The following CAMK4 variants were observed in gnomAD, a reference collection of about 807,000 sequenced individuals.
CAMK4 encodes the protein calcium/calmodulin-dependent protein kinase type IV.
A neutral mutation model predicts 44.9 loss-of-function variants in CAMK4; 22 were observed. The observed-to-expected ratio is 0.49, with a 90% CI of 0.35 to 0.70. The LOEUF (loss-of-function observed/expected upper bound fraction) is 0.70. CAMK4 is among the 30% of genes least tolerant of loss of function. The probability of loss-of-function intolerance (pLI) is 0.01; values close to 1 mark genes in which losing one functional copy is unlikely to be tolerated. For missense variants in CAMK4, 498 were observed against 586.8 expected (o/e 0.85, Z 1.56); for synonymous variants, 218 against 215.4 (o/e 1.01, Z -0.11).
intron 2 of CAMK4, among the ~76,000 whole-genome samples, chr5:111,351,771 T>A (rs1032854253): frequency 7.2e-5 from 11 of 152,122 alleles, no homozygotes; most frequent in African/African-American, 2.7e-4. Context: ...AAATAATATG[T>A]CATACTTTGT....
At chr5:111,302,332 A>T (rs1253997036) in intron 1 of CAMK4, 1 of 150,656 alleles carries the variant, frequency 6.6e-6, no homozygotes, top group East Asian at 2.0e-4. Context: ...CATCTGAGGT[A>T]CCGGGTTCAT....
intron 1 of CAMK4, among the ~76,000 whole-genome samples, chr5:111,274,673 G>T (rs969877455): frequency 1.3e-5 from 2 of 152,122 alleles, no homozygotes; most frequent in Non-Finnish European, 2.9e-5. Flanking sequence ...GCCCTTCAAA[G>T]AGGTTATACC....
chr5:111,265,544 T>C (rs114186645), intron 1 of CAMK4, among the ~76,000 whole-genome samples: 2 of 152,214 alleles, frequency 1.3e-5, no homozygotes, highest in African/African-American at 4.8e-5. Flanking sequence ...ATTTTACATA[T>C]ATTATTTTTC....
chr5:111,360,845 T>C (rs930419597), intron 2 of CAMK4, among the ~76,000 whole-genome samples: 5 of 152,082 alleles, frequency 3.3e-5, no homozygotes, highest in African/African-American at 1.2e-4. Context: ...AAAGAATATA[T>C]TGCTATGGGG....
intron 2 of CAMK4, among the ~76,000 whole-genome samples, chr5:111,350,037 G>T (rs2112768455): frequency 6.6e-6 from 1 of 152,128 alleles, no homozygotes; most frequent in South Asian, 2.1e-4. Flanking sequence ...TAGTAGTGGG[G>T]TGATGTTGTG....
chr5:111,293,877 G>T (rs1276659961), intron 1 of CAMK4, among the ~76,000 whole-genome samples: 8 of 150,778 alleles, frequency 5.3e-5, no homozygotes, highest in African/African-American at 2.0e-4. Context: ...CTCCCGAGTA[G>T]CTGGGACTAC....
At chr5:111,392,023 A>G (rs1424447446) in intron 4 of CAMK4, among the ~76,000 whole-genome samples, 3 of 142,418 alleles carry the variant, frequency 2.1e-5, no homozygotes, top group Admixed American at 7.3e-5. Context: ...TTATACAGCA[A>G]TCAAGAAGTT....
rs577792043 is a variant in CAMK4, at chr5:111,485,686, A to G, written c.*1220A>G. On this transcript the variant is annotated 3_prime_UTR_variant, in exon 11 of 11. Coordinates refer to ENST00000282356, the MANE Select transcript of CAMK4 (RefSeq NM_001744.6). ...GCTGCCAATAAATTTAGCACAATGC[A>G]ATTTATTTACCTTAAAAAACAAACA... 2.0e-5 allele frequency: 3 copies of G among 152,318 alleles called. No homozygotes were observed. In the East Asian group the frequency reaches 5.8e-4, roughly 29 times the overall value. The allele number at this position is 152,318 out of a possible 1,614,324, so 9.4% of individuals were successfully genotyped here. A position where few individuals can be genotyped will look rare whatever the true frequency, so the allele number is the denominator to read the frequency against.
At chr5:111,363,126 G>T (rs969574628) in intron 2 of CAMK4, among the ~76,000 whole-genome samples, 6 of 152,012 alleles carry the variant, frequency 3.9e-5, no homozygotes, top group Admixed American at 3.9e-4. Context: ...GATTTAGAAG[G>T]TCAGTAACTT....
At chr5:111,280,212 C>G (rs181576515) in intron 1 of CAMK4, among the ~76,000 whole-genome samples, 86 of 151,678 alleles carry the variant, frequency 5.7e-4, no homozygotes, top group African/African-American at 1.9e-3. Context: ...ACAGAACAAG[C>G]TTTTAAATGA....
intron 1 of CAMK4, among the ~76,000 whole-genome samples, chr5:111,341,436 T>G (rs1749638972): frequency 6.6e-6 from 1 of 151,168 alleles, no homozygotes; most frequent in Non-Finnish European, 1.5e-5. Flanking sequence ...ATCTAGTCAT[T>G]CAAGCACTAG....
At chr5:111,392,415 C>T (rs1446258778) in intron 4 of CAMK4, among the ~76,000 whole-genome samples, 3 of 152,082 alleles carry the variant, frequency 2.0e-5, no homozygotes, top group Non-Finnish European at 4.4e-5. Flanking sequence ...CAATCACCTC[C>T]CACTGGGCCC....
At chr5:111,367,317 C>T (rs1190161687) in intron 2 of CAMK4, among the ~76,000 whole-genome samples, 1 of 151,644 alleles carries the variant, frequency 6.6e-6, no homozygotes, top group Non-Finnish European at 1.5e-5. Flanking sequence ...TATCTCACTC[C>T]CAGGATGACG....
At chr5:111,396,217 G>A (rs457763) in intron 5 of CAMK4, among the ~76,000 whole-genome samples, 80,985 of 151,938 alleles carry the variant, frequency 0.53, 22,214 homozygotes, top group African/African-American at 0.67. Context: ...TGGCTTTATA[G>A]CCCAGTCCTT....
At chr5:111,397,729 T>C (rs1341755910) in intron 5 of CAMK4, among the ~76,000 whole-genome samples, 1 of 151,654 alleles carries the variant, frequency 6.6e-6, no homozygotes, top group Admixed American at 6.6e-5. Context: ...TACTTTTTCA[T>C]GTTTCTAGTT....
At chr5:111,231,453 C>T (rs1014724875) in intron 1 of CAMK4, among the ~76,000 whole-genome samples, 1 of 152,106 alleles carries the variant, frequency 6.6e-6, no homozygotes, top group Non-Finnish European at 1.5e-5. Flanking sequence ...GTTGTTAAAC[C>T]AAAACTGTCT....
At chr5:111,235,108 T>C (rs56050582) in intron 1 of CAMK4, among the ~76,000 whole-genome samples, 32,888 of 151,814 alleles carry the variant, frequency 0.22, 3,887 homozygotes, top group Non-Finnish European at 0.28. Flanking sequence ...GCACTGTTAG[T>C]TTGGTTTGCC....
rs958333650 is a variant in CAMK4, at chr5:111,224,454, G to T, written c.-30G>T. 3.2e-6 allele frequency: 5 copies of T among 1,559,328 alleles called. No homozygotes were observed. Among genetic ancestry groups the T allele is most frequent in the South Asian group, 2.3e-5 (2 of 85,942 alleles). On this transcript the variant is annotated 5_prime_UTR_variant, in exon 1 of 11. Transcript: ENST00000282356. This position sits in a 1 kb window ranked among gnomAD's most constrained non-coding sequence, Gnocchi z 5.7. Reference sequence around the variant, plus strand: ...TCGCTCGGGCAGCGGCGGCGGCGGCGGCGGCGGCTTCCGGAGTCCCGCTGC... The same window carrying T: ...TCGCTCGGGCAGCGGCGGCGGCGGCTGCGGCGGCTTCCGGAGTCCCGCTGC...
chr5:111,433,320 C>T (rs1212929563), intron 5 of CAMK4, among the ~76,000 whole-genome samples: 2 of 152,156 alleles, frequency 1.3e-5, no homozygotes, highest in Non-Finnish European at 2.9e-5. Flanking sequence ...TAATGTCTGT[C>T]ACATGGAATC....
Sources: allele counts gnomAD v4.1 joint callset (sites outside exome capture counted in the v4.1 genomes callset), GRCh38; gene constraint gnomAD v4.1.1; non-coding constraint Gnocchi (gnomAD v3.1); transcripts MANE v1.5; gene names NCBI Gene and HGNC (gene_info 2026-07-23, HGNC 2026-07-21).